WDR41: variants seen among roughly 807,000 people sequenced by gnomAD.
WDR41 encodes the protein WD repeat-containing protein 41.
A neutral mutation model predicts 69.3 loss-of-function variants in WDR41; 63 were observed. The ratio of observed to expected loss-of-function variants is 0.91; its 90% CI spans 0.74 to 1.12. WDR41 has a LOEUF of 1.12. Among genes scored for constraint, WDR41 ranks in the 50% most tolerant of loss-of-function variants. The pLI, the probability that WDR41 is intolerant of heterozygous loss-of-function variation, is 0.00. For missense variants in WDR41, 543 were observed against 534.5 expected, an observed-to-expected ratio of 1.02 and a Z score of -0.16; for synonymous variants, 185 against 192.1, an observed-to-expected ratio of 0.96 and a Z score of 0.31.
chr5:77,454,067 C>T, intron 5 of WDR41, 139 bp from the exon 6 acceptor site: 1 of 656,238 alleles, frequency 1.5e-6, no homozygotes, highest in South Asian at 1.8e-5. Flanking sequence ...ATCATGTGGG[C>T]ACTACTAAGT....
intron 2 of WDR41, 23 bp from the exon 3 acceptor site, chr5:77,464,832 GA>G (rs11433376): frequency 1.9e-6 from 3 of 1,573,336 alleles, no homozygotes; most frequent in South Asian, 1.1e-5. Flanking sequence ...AAAGGGTCAA[GA>G]AAAAAAAATC....
intron 2 of WDR41, among the ~76,000 whole-genome samples, chr5:77,472,774 T>C (rs1406292696): frequency 2.0e-5 from 3 of 151,630 alleles, no homozygotes; most frequent in African/African-American, 7.3e-5. Flanking sequence ...TAAAAGAGGA[T>C]ACAAACAAAT....
chr5:77,470,790 G>T (rs1382668571), intron 2 of WDR41, among the ~76,000 whole-genome samples: 3 of 152,154 alleles, frequency 2.0e-5, no homozygotes, highest in Non-Finnish European at 4.4e-5. Flanking sequence ...AGTCCTTAGA[G>T]ACCTAGAAAG....
intron 2 of WDR41, among the ~76,000 whole-genome samples, chr5:77,485,032 C>CT (rs1801449372): frequency 6.6e-6 from 1 of 152,240 alleles, no homozygotes; most frequent in Non-Finnish European, 1.5e-5. Flanking sequence ...GTAGAGAACT[C>CT]TTAAAAAGCA....
At chr5:77,604,345 A>G (rs552482975) in intron 1 of WDR41, among the ~76,000 whole-genome samples, 19 of 152,082 alleles carry the variant, frequency 1.2e-4, no homozygotes, top group Non-Finnish European at 2.5e-4. Flanking sequence ...GCTACTGTAA[A>G]TGGAATTGCC....
chr5:77,601,619 G>C (rs777804658), intron 1 of WDR41, among the ~76,000 whole-genome samples: 1 of 152,110 alleles, frequency 6.6e-6, no homozygotes, highest in Non-Finnish European at 1.5e-5. Context: ...GTGTGGGAGG[G>C]AAAGTTTCTG....
chr5:77,457,568 T>C (rs1013982937), intron 5 of WDR41, among the ~76,000 whole-genome samples: 3 of 152,154 alleles, frequency 2.0e-5, no homozygotes, highest in African/African-American at 4.8e-5. Flanking sequence ...ATGCATATAA[T>C]AATTTATTTA....
chr5:77,458,969 AC>A lies in WDR41; in HGVS notation c.411+92del. ...TGTGTGGAAAGAAATAATTCATAAG[AC>A]CCACAAAAGTAATTTCGTCTAACTC... On this transcript the variant is annotated intron_variant, in intron 5 of 12. Coordinates refer to ENST00000296679, the MANE Select transcript of WDR41 (RefSeq NM_018268.4). The A allele has an allele frequency of 3.5e-6, 3 of 861,304 alleles. No homozygotes were observed. In the Admixed American group the frequency reaches 7.1e-5, roughly 21 times the overall value. The allele number at this position is 861,304 out of a possible 1,614,324, so 53.4% of individuals were successfully genotyped here. A position where few individuals can be genotyped will look rare whatever the true frequency, so the allele number is the denominator to read the frequency against.
At chr5:77,452,794 C>T (rs1475380587) in intron 6 of WDR41, 1 of 152,124 alleles carries the variant, frequency 6.6e-6, no homozygotes, top group East Asian at 1.9e-4. Context: ...ACTTGCAAAA[C>T]AAAGGGAGAC....
intron 1 of WDR41, among the ~76,000 whole-genome samples, chr5:77,563,228 C>T (rs755395685): frequency 1.3e-5 from 2 of 152,052 alleles, no homozygotes; most frequent in Non-Finnish European, 2.9e-5. Context: ...TCCTGAATCT[C>T]CACTTCAATC....
upstream of WDR41, among the ~76,000 whole-genome samples, chr5:77,492,962 A>G (rs564605228): frequency 3.9e-4 from 59 of 152,346 alleles, no homozygotes; most frequent in South Asian, 9.9e-3. Flanking sequence ...ACCGTATGCT[A>G]TATTAACATA....
At chr5:77,513,937 T>C (rs187669880) in intron 1 of WDR41, among the ~76,000 whole-genome samples, 1 of 151,016 alleles carries the variant, frequency 6.6e-6, no homozygotes, top group Non-Finnish European at 1.5e-5. Flanking sequence ...GACTGCATAA[T>C]CAAACATATA....
chr5:77,582,590 C>A, intron 1 of WDR41: 1 of 1,600,164 alleles, frequency 6.2e-7, no homozygotes, highest in Middle Eastern at 1.7e-4. Context: ...ATTCGAGTGG[C>A]GAGGATGGCA....
chr5:77,595,696 G>A (rs1238972014), intron 1 of WDR41, among the ~76,000 whole-genome samples: 1 of 152,150 alleles, frequency 6.6e-6, no homozygotes, highest in Non-Finnish European at 1.5e-5. Flanking sequence ...TGAATAATGG[G>A]TTGCACATTT....
chr5:77,527,122 A>G (rs1354212684), intron 1 of WDR41, among the ~76,000 whole-genome samples: 1 of 151,974 alleles, frequency 6.6e-6, no homozygotes, highest in African/African-American at 2.4e-5. Flanking sequence ...AAATTCCAAG[A>G]CCTCCTAGCA....
At chr5:77,537,506 T>G (rs1743008990) in intron 1 of WDR41, among the ~76,000 whole-genome samples, 1 of 152,216 alleles carries the variant, frequency 6.6e-6, no homozygotes, top group African/African-American at 2.4e-5. Flanking sequence ...GTTTGAATAA[T>G]TTTGACGGAC....
At chr5:77,592,607 A>T (rs2112309617) in intron 1 of WDR41, among the ~76,000 whole-genome samples, 1 of 152,332 alleles carries the variant, frequency 6.6e-6, no homozygotes, top group African/African-American at 2.4e-5. Flanking sequence ...AGCAAAAGAA[A>T]AGGGCAACAG....
chr5:77,448,829 C>T (rs930227963), intron 8 of WDR41, among the ~76,000 whole-genome samples: 4 of 152,004 alleles, frequency 2.6e-5, no homozygotes, highest in African/African-American at 9.7e-5. Flanking sequence ...GACCATGCCA[C>T]TGAACTCCAG....
At chr5:77,532,398 A>G (rs374405722) in intron 1 of WDR41, among the ~76,000 whole-genome samples, 5 of 152,106 alleles carry the variant, frequency 3.3e-5, no homozygotes, top group South Asian at 2.1e-4. Flanking sequence ...GTCATTATTC[A>G]CTGAAGTTGA....
Sources: allele counts gnomAD v4.1 joint callset (sites outside exome capture counted in the v4.1 genomes callset), GRCh38; gene constraint gnomAD v4.1.1; transcripts MANE v1.5; gene names NCBI Gene and HGNC (gene_info 2026-07-23, HGNC 2026-07-21).